The following CDK11A variants were observed in gnomAD, a reference collection of about 807,000 sequenced individuals.
CDK11A encodes cyclin-dependent kinase 11A.
CDK11A carries 55 observed loss-of-function variants against 83.6 expected under a neutral mutation model. The observed-to-expected ratio is 0.66, with a 90% CI of 0.53 to 0.82. The LOEUF is 0.82. Ranked by LOEUF, CDK11A falls within the 40% of genes least tolerant of loss-of-function variation. CDK11A has a pLI of 0.00. For missense variants in CDK11A, 564 were observed against 810.1 expected (o/e 0.70, Z 3.69); for synonymous variants, 247 against 302.7 (o/e 0.82, Z 1.91).
intron 4 of CDK11A, 156 bp downstream of exon 4, chr1:1,719,172 C>G: frequency 1.8e-6 from 1 of 566,832 alleles, no homozygotes; most frequent in South Asian, 2.7e-5. Flanking sequence ...GCTATTCTCT[C>G]TATAGCCCTT....
rs1194138039 is a variant in CDK11A, at chr1:1,702,619, G to T, written c.*288C>A. ...TCCCACCAGTTCCTTTCCAAATCAC[G>T]GCCCAGCCAGCCCCGTGCGTGTCGA... On this transcript the variant is annotated 3_prime_UTR_variant, in exon 20 of 20. Coordinates refer to ENST00000404249, the MANE Select transcript of CDK11A (RefSeq NM_024011.4). 665 of 465,794 alleles carry T rather than the reference G, an allele frequency of 1.4e-3. No individual in the cohort carries two copies. Among genetic ancestry groups the T allele is most frequent in the Non-Finnish European group, 2.0e-3 (497 of 250,782 alleles). 28.9% of individuals were successfully genotyped at this position (465,794 alleles called of 1,614,324 possible).
Position 1,723,488 on chromosome 1 carries a change from CAAAAAAAAAAAA to C in CDK11A, c.-13-669_-13-658del, listed in dbSNP as rs768913380. Among the ~76,000 whole-genome samples, 4 of 20,628 alleles carry C rather than the reference CAAAAAAAAAAAA, an allele frequency of 1.9e-4. 1 individual carries two copies. Among genetic ancestry groups the C allele is most frequent in the African/African-American group, 3.8e-4 (4 of 10,462 alleles). 13.5% of individuals were successfully genotyped at this position (20,628 alleles called of 152,430 possible). A position where few individuals can be genotyped will look rare whatever the true frequency, so the allele number is the denominator to read the frequency against. ...ACTGCACTCCAGCAAGACCCCGTCTCAAAAAAAAAAAAAAAAAAAAAAAAAAAAAAAAAAACA... is the reference window on the plus strand; with the variant it reads ...ACTGCACTCCAGCAAGACCCCGTCTCAAAAAAAAAAAAAAAAAAAAAAACA... On this transcript the variant is annotated intron_variant, in intron 1 of 19. Coordinates refer to ENST00000404249, the MANE Select transcript of CDK11A (RefSeq NM_024011.4).
In CDK11A at chr1:1,720,378, T is replaced by G. The variant is rs1483961046; in HGVS notation, c.228-923A>C. Among the ~76,000 whole-genome samples the G allele has an allele frequency of 3.9e-4, 58 of 149,858 alleles. 4 individuals carry two copies. The highest frequency in any genetic ancestry group is 7.4e-5 in the Non-Finnish European group (5 of 67,378). On this transcript the variant is annotated intron_variant, in intron 3 of 19. Transcript: ENST00000404249. ...TCCCAAAGTGCTGGGATTACAGGTG[T>G]GAGCCGCCACGCCCGGCCTGTATTT...
Position 1,706,676 on chromosome 1 carries a change from C to A in CDK11A, c.1245+733G>T, listed in dbSNP as rs538950058. The stretch of plus-strand genomic sequence containing the variant: ...GATGCCCCATGCCAGGGCACCTACC[C>A]CTCGGTGTACCTTGGGGCCGGTGCC... On this transcript the variant is annotated intron_variant, in intron 11 of 19. Transcript: ENST00000404249. Among the ~76,000 whole-genome samples the A allele has an allele frequency of 1.7e-3, 261 of 151,478 alleles. 7 individuals are homozygous for A. The highest frequency in any genetic ancestry group is 6.1e-3 in the African/African-American group (252 of 41,326).
intron 12 of CDK11A, among the ~76,000 whole-genome samples, chr1:1,705,292 G>A (rs1284906957): frequency 2.8e-5 from 3 of 108,380 alleles, no homozygotes; most frequent in Non-Finnish European, 1.6e-5. Context: ...ACTCCACATC[G>A]ACTTCCCCAA....
chr1:1,720,065 C>T (rs191962087), intron 3 of CDK11A, among the ~76,000 whole-genome samples: 4 of 150,844 alleles, frequency 2.7e-5, no homozygotes, highest in Admixed American at 6.6e-5. Context: ...AAATACATCA[C>T]ATCTTATTTA....
intron 5 of CDK11A, among the ~76,000 whole-genome samples, chr1:1,716,080 G>T (rs1455962839): frequency 6.6e-6 from 1 of 150,666 alleles, no homozygotes; most frequent in African/African-American, 2.4e-5. Flanking sequence ...GTGAGCCACT[G>T]CGCCCGGCGG....
rs549213804 is a variant in CDK11A at position 1,713,108 on chromosome 1, C to T, written c.489-708G>A. Among the ~76,000 whole-genome samples, 245 of 42,708 alleles carry T rather than the reference C, an allele frequency of 5.7e-3. 27 individuals are homozygous for T. The highest frequency in any genetic ancestry group is 9.0e-3 in the African/African-American group (226 of 25,012). 28.0% of individuals were successfully genotyped at this position (42,708 alleles called of 152,430 possible). On this transcript the variant is annotated intron_variant, in intron 5 of 19. Transcript: ENST00000404249. ...AAGTGATTCTCATACCTGAGCCTCC[C>T]GAGTAGCTGGGATTACAGGTGTGCA...
rs1266617537 is a variant in CDK11A, at chr1:1,716,425, C to A, written c.409G>T (p.Glu137Ter). 10 of 1,608,574 alleles carry A rather than the reference C, an allele frequency of 6.2e-6. No individual in the cohort carries two copies. Among genetic ancestry groups the A allele is most frequent in the Non-Finnish European group, 8.5e-6 (10 of 1,176,220 alleles). ...REHERRKRHR[E>*]EQDKARREWE... ...TCCCGGCGAGCTTTATCCTGTTCTT[C>A]TCGATGTCGTTTCCGACGTTCGTGC... Residue 137 changes from glutamate to a stop codon, truncating the protein, a stop_gained, in exon 5 of 20, where the codon GAA (glutamate) becomes TAA (stop). Transcript: ENST00000404249. LOFTEE classifies it high-confidence loss of function.
In CDK11A at chr1:1,703,935, G is replaced by A. The variant is rs777360629; in HGVS notation, c.1800C>T (p.Tyr600=). The A allele has an allele frequency of 1.4e-5, 23 of 1,609,518 alleles. No homozygotes were observed. In the Admixed American group the frequency reaches 2.2e-4, roughly 15 times the overall value. Residue 600 remains tyrosine (Y), a synonymous_variant, in exon 17 of 20, where the codon TAC becomes TAT. Transcript: ENST00000404249. ...APELLLGAKE[Y]STAVDMWSVG... ...CTGACCACATGTCCACGGCCGTGGA[G>A]TATTCCTAAGACGCCAGGAGAGGTG...
In CDK11A at chr1:1,723,512, A is replaced by C. The variant is rs1365124633; in HGVS notation, c.-13-681T>G. Among the ~76,000 whole-genome samples the C allele has an allele frequency of 9.1e-4, 62 of 68,334 alleles. 1 individual carries two copies. The highest frequency in any genetic ancestry group is 2.1e-3 in the African/African-American group (62 of 29,300). The allele number at this position is 68,334 out of a possible 152,430, so 44.8% of individuals were successfully genotyped here. ...TCAAAAAAAAAAAAAAAAAAAAAAA[A>C]AAAAAAAAAAACAAGAATGATAAGT... On this transcript the variant is annotated intron_variant, in intron 1 of 19. Transcript: ENST00000404249.
At chr1:1,705,934 A>C (rs1186691977) in intron 11 of CDK11A, among the ~76,000 whole-genome samples, 3 of 145,614 alleles carry the variant, frequency 2.1e-5, no homozygotes, top group African/African-American at 7.8e-5. Context: ...TTATGAAACA[A>C]AACCAGTGTG....
intron 1 of CDK11A, among the ~76,000 whole-genome samples, chr1:1,723,506 A>G (rs1165325886): frequency 2.9e-5 from 2 of 69,440 alleles, no homozygotes; most frequent in African/African-American, 3.3e-5. Context: ...AAAAAAAAAA[A>G]AAAAAAAAAA....
intron 5 of CDK11A, among the ~76,000 whole-genome samples, chr1:1,714,866 C>G (rs971060783): frequency 1.4e-5 from 2 of 147,934 alleles, no homozygotes; most frequent in African/African-American, 4.9e-5. Flanking sequence ...CCAGTCTCTG[C>G]TGCACGTCTT....
chr1:1,702,617 A>G lies in CDK11A; in HGVS notation c.*290T>C, dbSNP rs1259948093. The stretch of plus-strand genomic sequence containing the variant: ...GCTCCCACCAGTTCCTTTCCAAATC[A>G]CGGCCCAGCCAGCCCCGTGCGTGTC... On this transcript the variant is annotated 3_prime_UTR_variant, in exon 20 of 20. Coordinates refer to ENST00000404249, the MANE Select transcript of CDK11A (RefSeq NM_024011.4). The G allele has an allele frequency of 2.2e-6, 1 of 456,994 alleles. No homozygotes were observed. Among genetic ancestry groups the G allele is most frequent in the African/African-American group, 2.0e-5 (1 of 50,766 alleles). The allele number at this position is 456,994 out of a possible 1,614,324, so 28.3% of individuals were successfully genotyped here.
intron 2 of CDK11A, chr1:1,721,969 G>A (rs1173480404): frequency 7.9e-6 from 3 of 378,958 alleles, no homozygotes; most frequent in South Asian, 5.5e-5. Context: ...GGCTAACACG[G>A]AGAGACCCCA....
intron 13 of CDK11A, 74 bp downstream of exon 13, chr1:1,704,830 C>T (rs758981566): frequency 1.4e-5 from 22 of 1,604,318 alleles, no homozygotes; most frequent in South Asian, 6.7e-5. Flanking sequence ...AGGAAGCACC[C>T]GGCCCCAGGA....
chr1:1,718,315 T>G (rs1644759091), intron 4 of CDK11A, among the ~76,000 whole-genome samples: 2 of 149,046 alleles, frequency 1.3e-5, no homozygotes, highest in African/African-American at 2.5e-5. Context: ...TAGAGTATTC[T>G]CTCTATAGCC....
At chr1:1,719,229 C>T (rs1446300003) in intron 4 of CDK11A, 99 bp downstream of exon 4, 1 of 1,136,502 alleles carries the variant, frequency 8.8e-7, no homozygotes, top group Non-Finnish European at 1.2e-6. Context: ...AGTTTGCTTT[C>T]TCTGGTTTTT....
Sources: gnomAD v4.1 joint callset for allele counts (sites outside exome capture counted in the v4.1 genomes callset) on GRCh38, gnomAD v4.1.1 for gene constraint, MANE v1.5 for transcripts, NCBI Gene and HGNC (gene_info 2026-07-23, HGNC 2026-07-21) for gene names.